Variants in KIAA1614 observed in about 807,000 individuals in gnomAD.
KIAA1614 encodes KIAA1614.
Under a neutral mutation model 88.7 loss-of-function variants are expected in KIAA1614, and 76 were observed. The observed-to-expected ratio is 0.86, with a 90% CI of 0.71 to 1.04. KIAA1614 has a LOEUF of 1.04. Among genes scored for constraint, KIAA1614 ranks in the 50% least tolerant of loss-of-function variants. The pLI, the probability that KIAA1614 is intolerant of heterozygous loss-of-function variation, is 0.00. For missense variants in KIAA1614, 1,553 were observed against 1,582.5 expected (o/e 0.98, Z 0.32); for synonymous variants, 714 against 675.5 (o/e 1.06, Z -0.88).
intron 3 of KIAA1614, among the ~76,000 whole-genome samples, chr1:180,918,641 G>A (rs1653875710): frequency 6.6e-6 from 1 of 152,152 alleles, no homozygotes; most frequent in African/African-American, 2.4e-5. Context: ...GAGAGGTCCT[G>A]GAGCTCTCGT....
rs1339775454 is a variant in KIAA1614, at chr1:180,935,968, A to T, written c.2059A>T (p.Asn687Tyr). ...TAGGGCTGATGATGTGGAGGTGGAA[A>T]ATGAGGTGAAAGAGGGCAGAGGACA... ...LPRADDVEVE[N>Y]EVKEGRGHTP... is the part of the protein sequence containing the mutation. Residue 687 changes from asparagine (N) to tyrosine (Y), a missense_variant, in exon 5 of 9, where the codon AAT (asparagine) becomes TAT (tyrosine). Physicochemically the swap from Asn to Tyr is moderately radical, Grantham distance 143. Coordinates refer to ENST00000367588, the MANE Select transcript of KIAA1614 (RefSeq NM_020950.2). The surrounding 1 kb of genome is among the most constrained non-coding windows in gnomAD (Gnocchi z 6.1). 1 of 1,614,026 alleles carries T rather than the reference A, an allele frequency of 6.2e-7. No homozygotes were observed. The highest frequency in any genetic ancestry group is 8.5e-7 in the Non-Finnish European group (1 of 1,179,906).
In KIAA1614 at chr1:180,924,412, G is replaced by C. The variant is rs541310976; in HGVS notation, c.1062-4018G>C. Among the ~76,000 whole-genome samples the C allele has an allele frequency of 2.1e-3, 324 of 152,338 alleles. 2 individuals are homozygous for C. Among genetic ancestry groups the C allele is most frequent in the Non-Finnish European group, 4.0e-3 (269 of 68,028 alleles). On this transcript the variant is annotated intron_variant, in intron 3 of 8. Transcript: ENST00000367588. ...CAAAGCCTCCTTCTGGGGCTCAGCA[G>C]GGAATCTGTTCATCTTCAGGAAGGC...
intron 3 of KIAA1614, among the ~76,000 whole-genome samples, chr1:180,920,624 G>A (rs940540097): frequency 6.6e-5 from 10 of 151,114 alleles, no homozygotes; most frequent in African/African-American, 1.2e-4. Flanking sequence ...GATGGTGTCC[G>A]TAATGGTTAC....
At position 180,946,600 on chromosome 1, in the gene KIAA1614, G is replaced by A. The variant is rs1654602584; in HGVS notation, c.*1012G>A. 1 of 152,538 alleles carries A rather than the reference G, an allele frequency of 6.6e-6. No individual in the cohort carries two copies. Among genetic ancestry groups the A allele is most frequent in the Non-Finnish European group, 1.5e-5 (1 of 68,122 alleles). The allele number at this position is 152,538 out of a possible 1,614,324, so 9.4% of individuals were successfully genotyped here. On this transcript the variant is annotated 3_prime_UTR_variant, in exon 9 of 9. Transcript: ENST00000367588. Reference sequence around the variant, plus strand: ...TATGTGAGGGTGGGGAAGGAGGGGAGGGGAAGGAAGGAGAGAGAAAGGGAG... The same window carrying A: ...TATGTGAGGGTGGGGAAGGAGGGGAAGGGAAGGAAGGAGAGAGAAAGGGAG...
chr1:180,941,953 A>G (rs888696699), intron 7 of KIAA1614, among the ~76,000 whole-genome samples: 4 of 151,484 alleles, frequency 2.6e-5, no homozygotes, highest in Admixed American at 2.6e-4. Context: ...TCTTTCTCCC[A>G]CCTTCCCCAC....
intron 6 of KIAA1614, among the ~76,000 whole-genome samples, chr1:180,939,925 T>C (rs1609829): frequency 0.71 from 107,338 of 152,064 alleles, 38,028 homozygotes; most frequent in Middle Eastern, 0.78. Flanking sequence ...CCCAAGGCTG[T>C]GGCACCAGCT....
chr1:180,916,105 G>A (rs751536042), intron 1 of KIAA1614, 49 bp from the exon 2 acceptor site: 1 of 1,448,428 alleles, frequency 6.9e-7, no homozygotes, highest in Non-Finnish European at 9.3e-7. Context: ...AGGTTGTGGG[G>A]GTTAGTCCTG....
At position 180,924,886 on chromosome 1, in the gene KIAA1614, A is replaced by AAATAATAAT. The variant is rs10522338; in HGVS notation, c.1062-3529_1062-3521dup. On this transcript the variant is annotated intron_variant, in intron 3 of 8. Coordinates refer to ENST00000367588, the MANE Select transcript of KIAA1614 (RefSeq NM_020950.2). ...TAACAAAACAATGGTGCTAATGATA[A>AAATAATAAT]AATAATAATAATAATAATAATAAAT... Among the ~76,000 whole-genome samples, 1,007 of 142,622 alleles carry AAATAATAAT rather than the reference A, an allele frequency of 7.1e-3. 9 individuals carry two copies. The highest frequency in any genetic ancestry group is 0.021 in the African/African-American group (837 of 39,462). The allele number at this position is 142,622 out of a possible 152,430, so 93.6% of individuals were successfully genotyped here.
chr1:180,916,731 C>G lies in KIAA1614; in HGVS notation c.628C>G (p.Gln210Glu). ...GCTGCTGGGGCCCAGCTCTTTGCAA[C>G]AGAGCCCGATCCATGGAGTTACTCC... Reference protein sequence around the residue: ...GPLLGPSSLQQSPIHGVTPGR... With the variant: ...GPLLGPSSLQESPIHGVTPGR... Residue 210 changes from glutamine (Q) to glutamate (E), a missense_variant, in exon 2 of 9, where the codon CAG becomes GAG. By Grantham distance (29) the Gln-to-Glu change is conservative (BLOSUM62 2). Coordinates refer to ENST00000367588, the MANE Select transcript of KIAA1614 (RefSeq NM_020950.2). The G allele has an allele frequency of 6.2e-7, 1 of 1,614,012 alleles. No homozygotes were observed.
rs1228677561 is a variant in KIAA1614, at chr1:180,941,257, G to C, written c.3131G>C (p.Arg1044Thr). Residue 1044 changes from arginine (R) to threonine (T), a missense_variant, in exon 7 of 9, where the codon AGG becomes ACG. Arg to Thr is a moderately conservative substitution (Grantham distance 71). Transcript: ENST00000367588. ...CCGCCTGGCCTGACGTCACAGTCCA[G>C]GGCCCCATCGTTACAATCCCTGCAC... Reference protein sequence around the residue: ...PAPPGLTSQSRAPSLQSLHPV... With the variant: ...PAPPGLTSQSTAPSLQSLHPV... 1 of 1,611,788 alleles carries C rather than the reference G, an allele frequency of 6.2e-7. No individual in the cohort carries two copies. The highest frequency in any genetic ancestry group is 8.5e-7 in the Non-Finnish European group (1 of 1,178,582).
Position 180,945,756 on chromosome 1 carries a change from G to A in KIAA1614, c.*168G>A. The A allele has an allele frequency of 7.3e-7, 1 of 1,366,542 alleles. No individual in the cohort carries two copies. The highest frequency in any genetic ancestry group is 9.3e-7 in the Non-Finnish European group (1 of 1,070,324). 84.7% of individuals were successfully genotyped at this position (1,366,542 alleles called of 1,614,324 possible). On this transcript the variant is annotated 3_prime_UTR_variant, in exon 9 of 9. Transcript: ENST00000367588. The stretch of plus-strand genomic sequence containing the variant: ...GTTGGTGGGGAGTGTGCGGGAGGGG[G>A]TAGAGTTGGCAGGTTTGACTCCACT...
At chr1:180,917,796 C>A in intron 2 of KIAA1614, 55 bp from the exon 3 acceptor site, 1 of 1,423,632 alleles carries the variant, frequency 7.0e-7, no homozygotes, top group Non-Finnish European at 9.9e-7. Flanking sequence ...TAAGTGGCAG[C>A]TGAGAGCCCT....
Position 180,936,586 on chromosome 1 carries a change from T to C in KIAA1614, c.2677T>C (p.Tyr893His). The C allele has an allele frequency of 6.2e-7, 1 of 1,612,528 alleles. No individual in the cohort carries two copies. Among genetic ancestry groups the C allele is most frequent in the Non-Finnish European group, 8.5e-7 (1 of 1,179,674 alleles). Reference protein sequence around the residue: ...NSAPRGLQEPYGGAVHEGRVE... With the variant: ...NSAPRGLQEPHGGAVHEGRVE... ...CGCACCTCGGGGGCTGCAGGAGCCC[T>C]ACGGGGGAGCCGTCCACGAGGGTAG... The change falls in exon 5 of 9, where the codon TAC (tyrosine) becomes CAC (histidine). Residue 893 changes from tyrosine to histidine, a missense_variant. Physicochemically the swap from Tyr to His is moderately conservative, Grantham distance 83 (BLOSUM62 2). Coordinates refer to ENST00000367588, the MANE Select transcript of KIAA1614 (RefSeq NM_020950.2).
chr1:180,937,386 TA>T (rs771328987), intron 5 of KIAA1614, among the ~76,000 whole-genome samples: 1 of 152,108 alleles, frequency 6.6e-6, no homozygotes, highest in Non-Finnish European at 1.5e-5. Flanking sequence ...GGTGGACCAG[TA>T]GGTTTCAGCA....
rs571113384 is a variant in KIAA1614, at chr1:180,935,548, C to T, written c.1639C>T (p.Arg547Cys). 2.0e-5 allele frequency: 32 copies of T among 1,588,578 alleles called. No individual in the cohort carries two copies. In the East Asian group the frequency reaches 6.6e-4, roughly 33 times the overall value. Reference sequence around the variant, plus strand: ...CTGCGGCAGCTGCATCGACGACCCGCGCCCCGCCCAGGGGAAGGCGCCCCC... The same window carrying T: ...CTGCGGCAGCTGCATCGACGACCCGTGCCCCGCCCAGGGGAAGGCGCCCCC... Reference protein sequence around the residue: ...QACGSCIDDPRPAQGKAPPVP... With the variant: ...QACGSCIDDPCPAQGKAPPVP... Residue 547 changes from arginine (R) to cysteine (C), a missense_variant, in exon 5 of 9, where the codon CGC (arginine) becomes TGC (cysteine). Arg to Cys is a radical substitution (Grantham distance 180). Coordinates refer to ENST00000367588, the MANE Select transcript of KIAA1614 (RefSeq NM_020950.2). The surrounding 1 kb of genome is among the most constrained non-coding windows in gnomAD (Gnocchi z 6.1).
intron 6 of KIAA1614, among the ~76,000 whole-genome samples, chr1:180,939,778 G>T (rs1654414096): frequency 6.6e-6 from 1 of 152,170 alleles, no homozygotes; most frequent in Non-Finnish European, 1.5e-5. Flanking sequence ...GGCTGTGGTT[G>T]GTCCTGCTTT....
intron 3 of KIAA1614, 138 bp from the exon 4 acceptor site, chr1:180,928,292 G>A: frequency 9.4e-7 from 1 of 1,059,846 alleles, no homozygotes. Context: ...CCCTGTGCGT[G>A]GGTGCTAGAG....
intron 4 of KIAA1614, among the ~76,000 whole-genome samples, chr1:180,928,887 A>G (rs925099194): frequency 2.6e-5 from 4 of 152,216 alleles, no homozygotes; most frequent in African/African-American, 9.6e-5. Context: ...GAGAGAGGAA[A>G]AGTGTGTGTG....
At chr1:180,939,650 T>C (rs540989347) in intron 6 of KIAA1614, among the ~76,000 whole-genome samples, 14 of 152,308 alleles carry the variant, frequency 9.2e-5, no homozygotes, top group African/African-American at 3.1e-4. Context: ...CTACATTTCC[T>C]TCTCCACACA....
Sources: allele counts gnomAD v4.1 joint callset (sites outside exome capture counted in the v4.1 genomes callset), GRCh38; gene constraint gnomAD v4.1.1; non-coding constraint Gnocchi (gnomAD v3.1); transcripts MANE v1.5; gene names NCBI Gene and HGNC (gene_info 2026-07-23, HGNC 2026-07-21).